Variants in MCF2L2 observed in about 807,000 individuals in gnomAD.
MCF2L2 encodes MCF.2 cell line derived transforming sequence-like 2, also known as probable guanine nucleotide exchange factor MCF2L2.
Under a neutral mutation model 150.2 loss-of-function variants are expected in MCF2L2, and 102 were observed. The observed-to-expected ratio is 0.68, with a 90% CI of 0.58 to 0.80. MCF2L2 has a LOEUF of 0.80. MCF2L2 is among the 30% of genes least tolerant of loss of function. The probability of loss-of-function intolerance (pLI) is 0.00; values close to 1 mark genes in which losing one functional copy is unlikely to be tolerated. For synonymous variants in MCF2L2, 465 were observed against 491.3 expected, an observed-to-expected ratio of 0.95 and a Z score of 0.71; for missense variants, 1,256 against 1,372.8, an observed-to-expected ratio of 0.91 and a Z score of 1.34.
chr3:183,313,232 A>AACACACAC (rs111694523), intron 7 of MCF2L2, among the ~76,000 whole-genome samples: 38 of 149,406 alleles, frequency 2.5e-4, no homozygotes, highest in African/African-American at 7.9e-4. Flanking sequence ...AGCTTCCAGC[A>AACACACAC]ACACACACAC....
Position 183,267,185 on chromosome 3 carries a change from T to A in MCF2L2, c.1862+9687A>T, listed in dbSNP as rs1476136321. ...AAAAGTTTCACAAAATGATTCTTGC[T>A]CTTACTACTCTCAGTACACTCTGTA... On this transcript the variant is annotated intron_variant, in intron 15 of 29. Coordinates refer to ENST00000328913, the MANE Select transcript of MCF2L2 (RefSeq NM_015078.4). The surrounding 1 kb of genome is among the most constrained non-coding windows in gnomAD (Gnocchi z 5.5). Among the ~76,000 whole-genome samples, 2 of 152,130 alleles carry A rather than the reference T, an allele frequency of 1.3e-5. No individual in the cohort carries two copies. The highest frequency in any genetic ancestry group is 2.9e-5 in the Non-Finnish European group (2 of 68,040).
intron 14 of MCF2L2, among the ~76,000 whole-genome samples, chr3:183,280,616 G>C (rs1310176219): frequency 1.3e-5 from 2 of 151,982 alleles, no homozygotes; most frequent in East Asian, 3.9e-4. Context: ...GGGAGGCCAA[G>C]GTGGGGCAGA....
At chr3:183,343,951 G>A (rs1474596444) in intron 3 of MCF2L2, among the ~76,000 whole-genome samples, 4 of 151,952 alleles carry the variant, frequency 2.6e-5, no homozygotes, top group African/African-American at 7.3e-5. Context: ...CAGGAGGATC[G>A]CTTGGGCTCA....
chr3:183,383,628 G>A (rs1713663918), intron 2 of MCF2L2, among the ~76,000 whole-genome samples: 2 of 152,088 alleles, frequency 1.3e-5, no homozygotes, highest in South Asian at 2.1e-4. Flanking sequence ...CATTTTTGGT[G>A]ACTCCAAATT....
At chr3:183,269,638 G>A (rs1372621721) in intron 15 of MCF2L2, 7 of 631,876 alleles carry the variant, frequency 1.1e-5, no homozygotes, top group African/African-American at 7.6e-5. Flanking sequence ...CAGAAAAATG[G>A]GACTAAAAGA....
intron 5 of MCF2L2, among the ~76,000 whole-genome samples, chr3:183,329,915 A>C (rs1577067279): frequency 6.6e-6 from 1 of 152,196 alleles, no homozygotes; most frequent in African/African-American, 2.4e-5. Context: ...CACAATGGAA[A>C]GTATTTCTGT....
At chr3:183,381,135 C>T (rs1402031516) in intron 2 of MCF2L2, among the ~76,000 whole-genome samples, 1 of 152,162 alleles carries the variant, frequency 6.6e-6, no homozygotes, top group Non-Finnish European at 1.5e-5. Context: ...AAGTTATGTC[C>T]TTGAAGAGAA....
intron 3 of MCF2L2, among the ~76,000 whole-genome samples, chr3:183,368,113 C>T (rs1215753667): frequency 1.3e-5 from 2 of 152,158 alleles, no homozygotes; most frequent in African/African-American, 4.8e-5. Flanking sequence ...TTGGACTAGA[C>T]CAGCAGTTCA....
intron 3 of MCF2L2, among the ~76,000 whole-genome samples, chr3:183,343,713 A>T: frequency 6.6e-6 from 1 of 152,190 alleles, no homozygotes; most frequent in Admixed American, 6.5e-5. Context: ...AGAGTTATGT[A>T]AATGTTATGT....
chr3:183,423,641 T>TG (rs1716005212), intron 1 of MCF2L2, among the ~76,000 whole-genome samples: 1 of 143,212 alleles, frequency 7.0e-6, no homozygotes, highest in Non-Finnish European at 1.5e-5. Flanking sequence ...TGTTTTTTTT[T>TG]TTTTTTTTTT....
Position 183,422,874 on chromosome 3 carries a change from A to G in MCF2L2, c.76+5028T>C, listed in dbSNP as rs77554306. On this transcript the variant is annotated intron_variant, in intron 1 of 29. Transcript: ENST00000328913. ...GTACAGTTGCTTCACTGAGGAATGG[A>G]TCCCTGGGACTCTTCACACTGGCAT... is the stretch of plus-strand genomic sequence containing the variant. Among the ~76,000 whole-genome samples the G allele has an allele frequency of 7.2e-3, 1,103 of 152,314 alleles. 10 individuals are homozygous for G. Among genetic ancestry groups the G allele is most frequent in the Non-Finnish European group, 9.8e-3 (670 of 68,028 alleles).
intron 11 of MCF2L2, chr3:183,299,251 T>C (rs950071585): frequency 2.0e-5 from 3 of 152,336 alleles, no homozygotes; most frequent in Admixed American, 1.3e-4. Context: ...ATGTGTGGTC[T>C]TGGGCAGTCA....
intron 15 of MCF2L2, among the ~76,000 whole-genome samples, chr3:183,268,655 C>G (rs73884618): frequency 0.026 from 3,905 of 152,218 alleles, 172 homozygotes; most frequent in African/African-American, 0.087. Context: ...GCTAGGTAAT[C>G]ATCTGTCTAC....
rs776147136 is a variant in MCF2L2 at position 183,270,188 on chromosome 3, C to T, written c.1862+6684G>A. On this transcript the variant is annotated intron_variant, in intron 15 of 29. Coordinates refer to ENST00000328913, the MANE Select transcript of MCF2L2 (RefSeq NM_015078.4). This position sits in a 1 kb window ranked among gnomAD's most constrained non-coding sequence, Gnocchi z 4.5. ...ATGCCAACATCAAAACTCTGTTTGC[C>T]TTAGGAACTCCTAATCCACTGGAGG... 45 of 1,614,048 alleles carry T rather than the reference C, an allele frequency of 2.8e-5. No individual in the cohort carries two copies. The Admixed American group carries it at 3.0e-4, about 11-fold the overall frequency.
intron 13 of MCF2L2, 88 bp from the exon 14 acceptor site, chr3:183,289,308 C>T (rs3732596): frequency 0.015 from 12,679 of 833,182 alleles, 206 homozygotes; most frequent in African/African-American, 0.041. Flanking sequence ...AGCTGGACCA[C>T]GTCAATGTGG....
intron 5 of MCF2L2, among the ~76,000 whole-genome samples, chr3:183,335,894 G>A (rs1025822841): frequency 1.3e-4 from 20 of 152,114 alleles, no homozygotes; most frequent in Non-Finnish European, 2.4e-4. Flanking sequence ...TAAAGGGCTT[G>A]AGGGAGTGAG....
chr3:183,249,647 T>A (rs9883461), intron 15 of MCF2L2, among the ~76,000 whole-genome samples: 1 of 152,022 alleles, frequency 6.6e-6, no homozygotes. Flanking sequence ...ATCAAACTGC[T>A]GAGGCCCTGG....
chr3:183,216,635 C>T lies in MCF2L2; in HGVS notation c.2371-541G>A, dbSNP rs1168693895. Among the ~76,000 whole-genome samples the T allele has an allele frequency of 1.0e-4, 12 of 115,116 alleles. No individual in the cohort carries two copies. In the South Asian group the frequency reaches 1.6e-3, roughly 16 times the overall value. 75.5% of individuals were successfully genotyped at this position (115,116 alleles called of 152,430 possible). ...TTTTTTTGAGAGCGAGAGAGAGTTT[C>T]ACTCTGTCACCCAGGCTGGAGTGCA... On this transcript the variant is annotated intron_variant, in intron 21 of 29. Transcript: ENST00000328913.
intron 15 of MCF2L2, among the ~76,000 whole-genome samples, chr3:183,255,252 T>G (rs1380780554): frequency 6.6e-6 from 1 of 152,186 alleles, no homozygotes; most frequent in East Asian, 1.9e-4. Context: ...ACCGAAATGA[T>G]TCCACCCTGA....
Sources: allele counts gnomAD v4.1 joint callset (sites outside exome capture counted in the v4.1 genomes callset), GRCh38; gene constraint gnomAD v4.1.1; non-coding constraint Gnocchi (gnomAD v3.1); transcripts MANE v1.5; gene names NCBI Gene and HGNC (gene_info 2026-07-23, HGNC 2026-07-21).